The following GTF2E2 variants were observed in gnomAD, a reference collection of about 807,000 sequenced individuals.
The protein encoded by GTF2E2 is transcription initiation factor IIE subunit beta.
GTF2E2 carries 21 observed loss-of-function variants against 40.5 expected under a neutral mutation model. The ratio of observed to expected loss-of-function variants is 0.52; its 90% CI spans 0.37 to 0.75. GTF2E2 has a LOEUF of 0.75. Ranked by LOEUF, GTF2E2 falls within the 30% of genes least tolerant of loss-of-function variation. The pLI is 0.00. For synonymous variants in GTF2E2, 117 were observed against 121.6 expected, an observed-to-expected ratio of 0.96 and a Z score of 0.25; for missense variants, 298 against 338.4, an observed-to-expected ratio of 0.88 and a Z score of 0.94.
At chr8:30,615,158 A>G (rs1290307055) in intron 3 of GTF2E2, among the ~76,000 whole-genome samples, 1 of 152,046 alleles carries the variant, frequency 6.6e-6, no homozygotes, top group African/African-American at 2.4e-5. Flanking sequence ...GCATGCTTGT[A>G]ATCCCAGCTA....
intron 3 of GTF2E2, 54 bp from the exon 4 acceptor site, chr8:30,614,769 T>A: frequency 1.1e-6 from 1 of 919,358 alleles, no homozygotes; most frequent in Non-Finnish European, 1.8e-6. Flanking sequence ...CTAGATGCAT[T>A]AAATCATAGT....
intron 3 of GTF2E2, among the ~76,000 whole-genome samples, chr8:30,634,319 A>C (rs1008604911): frequency 1.3e-5 from 2 of 152,092 alleles, no homozygotes; most frequent in African/African-American, 4.8e-5. Context: ...ATGGTGGTGC[A>C]TGCCTGTAGT....
intron 2 of GTF2E2, among the ~76,000 whole-genome samples, chr8:30,642,296 C>CAA (rs33951211): frequency 0.6 from 77,698 of 129,538 alleles, 23,810 homozygotes; most frequent in African/African-American, 0.76. Context: ...GGAGAAAAGC[C>CAA]AAAAAAAAAA....
rs983501489 is a variant in GTF2E2, at chr8:30,653,419, A to T, written c.166+14T>A. On this transcript the variant is annotated intron_variant, in intron 2 of 7. Transcript: ENST00000355904. ...CTGAATAAAAACCAAACAGTCCTAA[A>T]CAATTTTACTAACCAGAATTTTGTT... is the stretch of plus-strand genomic sequence containing the variant. The T allele has an allele frequency of 1.4e-5, 23 of 1,604,352 alleles. No homozygotes were observed. The East Asian group carries it at 5.1e-4, about 36-fold the overall frequency.
chr8:30,619,148 T>G (rs1299766378), intron 3 of GTF2E2, among the ~76,000 whole-genome samples: 2 of 151,964 alleles, frequency 1.3e-5, no homozygotes, highest in African/African-American at 4.8e-5. Context: ...CACCATGTTG[T>G]CCAGGATGGT....
intron 6 of GTF2E2, among the ~76,000 whole-genome samples, chr8:30,584,090 G>A (rs1281091640): frequency 1.3e-5 from 2 of 152,120 alleles, no homozygotes; most frequent in African/African-American, 4.8e-5. Context: ...ACAGGCGTGA[G>A]CCACCGTGCC....
chr8:30,593,676 T>C (rs1828911765), intron 6 of GTF2E2, among the ~76,000 whole-genome samples: 1 of 152,098 alleles, frequency 6.6e-6, no homozygotes, highest in South Asian at 2.1e-4. Context: ...TTTTATTTTT[T>C]GTAGAGACGA....
chr8:30,630,713 C>CA (rs968047335), intron 3 of GTF2E2, among the ~76,000 whole-genome samples: 1 of 151,898 alleles, frequency 6.6e-6, no homozygotes, highest in African/African-American at 2.4e-5. Context: ...ACAGACAAGC[C>CA]AAAAAAATGG....
intron 1 of GTF2E2, among the ~76,000 whole-genome samples, chr8:30,656,583 C>T (rs928763067): frequency 3.3e-5 from 5 of 152,042 alleles, no homozygotes; most frequent in African/African-American, 1.2e-4. Flanking sequence ...CCGAGGAGGG[C>T]GGATCACGAG....
chr8:30,635,179 G>T, intron 2 of GTF2E2, 56 bp from the exon 3 acceptor site: 1 of 952,102 alleles, frequency 1.1e-6, no homozygotes, highest in Non-Finnish European at 1.7e-6. Flanking sequence ...TGACTCTTGA[G>T]CAGCTAAAAT....
intron 7 of GTF2E2, 23 bp downstream of exon 7, chr8:30,580,258 C>T (rs1371306325): frequency 1.5e-6 from 2 of 1,291,720 alleles, no homozygotes; most frequent in African/African-American, 2.9e-5. Context: ...GGGGATTAAG[C>T]TGCTTTGCTA....
chr8:30,641,005 G>C (rs1303800023), intron 2 of GTF2E2, among the ~76,000 whole-genome samples: 1 of 152,088 alleles, frequency 6.6e-6, no homozygotes, highest in Non-Finnish European at 1.5e-5. Flanking sequence ...ATTTCTTTCT[G>C]CATGCTTAAT....
At chr8:30,642,263 G>A (rs911583460) in intron 2 of GTF2E2, among the ~76,000 whole-genome samples, 2 of 143,822 alleles carry the variant, frequency 1.4e-5, no homozygotes, top group Admixed American at 7.1e-5. Context: ...AAGCACAAAG[G>A]GATTTTATCT....
At chr8:30,646,659 T>C (rs1802086811) in intron 2 of GTF2E2, among the ~76,000 whole-genome samples, 1 of 152,166 alleles carries the variant, frequency 6.6e-6, no homozygotes, top group Non-Finnish European at 1.5e-5. Context: ...TTTAACTAAA[T>C]GTGGCACATC....
intron 3 of GTF2E2, among the ~76,000 whole-genome samples, chr8:30,629,076 A>G (rs1373334088): frequency 6.6e-6 from 1 of 152,206 alleles, no homozygotes; most frequent in African/African-American, 2.4e-5. Flanking sequence ...CTCCATCACA[A>G]TGTATTATCA....
At chr8:30,583,599 C>T (rs1226714056) in intron 6 of GTF2E2, among the ~76,000 whole-genome samples, 1 of 151,988 alleles carries the variant, frequency 6.6e-6, no homozygotes, top group Non-Finnish European at 1.5e-5. Context: ...AGGCTGGTCT[C>T]GAACGTCTAG....
At position 30,642,559 on chromosome 8, in the gene GTF2E2, G is replaced by C. The variant is rs1301721033; in HGVS notation, c.167-7436C>G. On this transcript the variant is annotated intron_variant, in intron 2 of 7. Coordinates refer to ENST00000355904, the MANE Select transcript of GTF2E2 (RefSeq NM_002095.6). Reference sequence around the variant, plus strand: ...GTTAAGAAGCCTCAAACATATCCCTGTGCCTCACTCTCCTCCCGATGGATC... The same window carrying C: ...GTTAAGAAGCCTCAAACATATCCCTCTGCCTCACTCTCCTCCCGATGGATC... Among the ~76,000 whole-genome samples, 8 of 152,258 alleles carry C rather than the reference G, an allele frequency of 5.3e-5. No homozygotes were observed. In the East Asian group the frequency reaches 1.4e-3, roughly 26 times the overall value.
chr8:30,623,177 T>C (rs1367413658), intron 3 of GTF2E2, among the ~76,000 whole-genome samples: 3 of 151,634 alleles, frequency 2.0e-5, no homozygotes, highest in African/African-American at 7.3e-5. Flanking sequence ...CATGAAATCT[T>C]CACAATCCAC....
At chr8:30,652,298 AG>A (rs1202818931) in intron 2 of GTF2E2, among the ~76,000 whole-genome samples, 2 of 152,216 alleles carry the variant, frequency 1.3e-5, no homozygotes, top group African/African-American at 4.8e-5. Flanking sequence ...ACTTGCTTGG[AG>A]AAAATATTTG....
Sources: gnomAD v4.1 joint callset for allele counts (sites outside exome capture counted in the v4.1 genomes callset) on GRCh38, gnomAD v4.1.1 for gene constraint, MANE v1.5 for transcripts, NCBI Gene and HGNC (gene_info 2026-07-23, HGNC 2026-07-21) for gene names.